Variants in SCARB1 observed in about 807,000 individuals in gnomAD.
SCARB1 encodes the protein CD36 and LIMPII analogous 1.
In SCARB1, 30 loss-of-function variants were observed where a neutral mutation model predicts 57.2. The observed-to-expected ratio is 0.52, with a 90% CI of 0.39 to 0.71. The LOEUF (loss-of-function observed/expected upper bound fraction) is 0.71, where lower values mean the gene tolerates loss of function less well. SCARB1 is among the 30% of genes least tolerant of loss of function. The pLI is 0.00. For missense variants in SCARB1, 543 were observed against 671.2 expected, an observed-to-expected ratio of 0.81 and a Z score of 2.11; for synonymous variants, 249 against 268.3, an observed-to-expected ratio of 0.93 and a Z score of 0.70.
At chr12:124,801,600 T>C (rs984535295) in intron 7 of SCARB1, among the ~76,000 whole-genome samples, 14 of 151,782 alleles carry the variant, frequency 9.2e-5, no homozygotes, top group African/African-American at 3.4e-4. Context: ...CTGGGCAACA[T>C]GGTGAGACCC....
rs775511265 is a variant in SCARB1 at position 124,822,964 on chromosome 12, T to TA, written c.127-5258dup. ...GGAACAATCTCCAGAATATTTTAAG[T>TA]AAAAAAAAATTTAAAAATGAATACT... is the stretch of plus-strand genomic sequence containing the variant. On this transcript the variant is annotated intron_variant, in intron 1 of 12. Transcript: ENST00000261693. The surrounding 1 kb of genome is among the most constrained non-coding windows in gnomAD (Gnocchi z 5.0). Among the ~76,000 whole-genome samples, 228 of 151,916 alleles carry TA rather than the reference T, an allele frequency of 1.5e-3. 2 individuals are homozygous for TA. Among genetic ancestry groups the TA allele is most frequent in the African/African-American group, 4.7e-3 (194 of 41,434 alleles).
At position 124,778,529 on chromosome 12, in the gene SCARB1, TG is replaced by T; in HGVS notation, c.*57del. Reference sequence around the variant, plus strand: ...TCCGGGAGAAGCGGGGTGTAGGGGCTGGGGGGCCGGTCAGGCCCAGCGGCCA... The same window carrying T: ...TCCGGGAGAAGCGGGGTGTAGGGGCTGGGGGCCGGTCAGGCCCAGCGGCCA... On this transcript the variant is annotated 3_prime_UTR_variant, in exon 13 of 13. Transcript: ENST00000261693. The T allele has an allele frequency of 7.0e-6, 9 of 1,283,520 alleles. No homozygotes were observed. Among genetic ancestry groups the T allele is most frequent in the South Asian group, 3.8e-5 (2 of 52,466 alleles). 79.5% of individuals were successfully genotyped at this position (1,283,520 alleles called of 1,614,324 possible). A position where few individuals can be genotyped will look rare whatever the true frequency, so the allele number is the denominator to read the frequency against.
chr12:124,837,531 A>AG lies in SCARB1; in HGVS notation c.127-19825_127-19824insC, dbSNP rs1566231662. Among the ~76,000 whole-genome samples, 123 of 90,300 alleles carry AG rather than the reference A, an allele frequency of 1.4e-3. 5 individuals are homozygous for AG. The highest frequency in any genetic ancestry group is 5.4e-3 in the African/African-American group (113 of 21,056). The allele number at this position is 90,300 out of a possible 152,430, so 59.2% of individuals were successfully genotyped here. A position where few individuals can be genotyped will look rare whatever the true frequency, so the allele number is the denominator to read the frequency against. ...AGAAAAAAGAAAAGAAAGGAAAGAA[A>AG]AAGAAAGAAAAGAAAAGAAAAGAAA... On this transcript the variant is annotated intron_variant, in intron 1 of 12. Coordinates refer to ENST00000261693, the MANE Select transcript of SCARB1 (RefSeq NM_005505.5).
At chr12:124,846,444 G>C (rs1952156538) in intron 1 of SCARB1, among the ~76,000 whole-genome samples, 1 of 152,052 alleles carries the variant, frequency 6.6e-6, no homozygotes, top group African/African-American at 2.4e-5. Context: ...ACAGTCACCG[G>C]CATCAGGGTT....
At chr12:124,783,237 G>A (rs1818576261) in intron 11 of SCARB1, 2 of 230,130 alleles carry the variant, frequency 8.7e-6, no homozygotes. Flanking sequence ...TTTAATTTTT[G>A]AGACAGGATC....
At position 124,824,051 on chromosome 12, in the gene SCARB1, G is replaced by A. The variant is rs190581455; in HGVS notation, c.127-6344C>T. ...TAGCTGGGCATGGTGGCAGCCAACTGTATTCCCAGCTACTCGGGAGGCTGA... is the reference window on the plus strand; with the variant it reads ...TAGCTGGGCATGGTGGCAGCCAACTATATTCCCAGCTACTCGGGAGGCTGA... On this transcript the variant is annotated intron_variant, in intron 1 of 12. Coordinates refer to ENST00000261693, the MANE Select transcript of SCARB1 (RefSeq NM_005505.5). Among the ~76,000 whole-genome samples the A allele has an allele frequency of 1.1e-4, 17 of 151,804 alleles. No individual in the cohort carries two copies. The East Asian group carries it at 2.9e-3, about 26-fold the overall frequency.
intron 1 of SCARB1, among the ~76,000 whole-genome samples, chr12:124,820,701 A>G (rs924395425): frequency 1.1e-4 from 17 of 152,114 alleles, no homozygotes; most frequent in Non-Finnish European, 1.6e-4. Context: ...TGCTCCCCCC[A>G]TAGAAAACAC....
intron 2 of SCARB1, among the ~76,000 whole-genome samples, chr12:124,816,951 C>G (rs1422810913): frequency 6.6e-6 from 1 of 151,854 alleles, no homozygotes; most frequent in Non-Finnish European, 1.5e-5. Flanking sequence ...TGACCCCTTC[C>G]CGTGCTGACC....
intron 1 of SCARB1, 79 bp downstream of exon 1, chr12:124,863,516 C>T: frequency 1.3e-6 from 2 of 1,495,222 alleles, no homozygotes; most frequent in East Asian, 5.2e-5. Context: ...CCACCCACCG[C>T]AACGCGCGGG....
chr12:124,838,117 A>C (rs1486448664), intron 1 of SCARB1, among the ~76,000 whole-genome samples: 1 of 152,236 alleles, frequency 6.6e-6, no homozygotes, highest in Non-Finnish European at 1.5e-5. Flanking sequence ...CAGCCTGCAG[A>C]GCTGAGCATA....
intron 12 of SCARB1, among the ~76,000 whole-genome samples, chr12:124,778,801 G>A (rs142196328): frequency 3.9e-5 from 6 of 152,178 alleles, no homozygotes; most frequent in East Asian, 1.9e-4. Context: ...TGGCCTCCCC[G>A]ACCTCCTTTA....
rs1431819906 is a variant in SCARB1 at position 124,850,038 on chromosome 12, TG to T, written c.126+13556del. On this transcript the variant is annotated intron_variant, in intron 1 of 12. Coordinates refer to ENST00000261693, the MANE Select transcript of SCARB1 (RefSeq NM_005505.5). ...GTAATCATGCCACTGCACTCCAGCT[TG>T]GGTGACAGAGTGAGACCCTGTCTCA... 2.0e-4 allele frequency among the ~76,000 whole-genome samples: 24 copies of T among 120,414 alleles called. 5 individuals are homozygous for T. Among genetic ancestry groups the T allele is most frequent in the African/African-American group, 7.3e-4 (23 of 31,638 alleles). 79.0% of individuals were successfully genotyped at this position (120,414 alleles called of 152,430 possible).
rs1175619885 is a variant in SCARB1, at chr12:124,777,167, C to T, written c.*1420G>A. On this transcript the variant is annotated 3_prime_UTR_variant, in exon 13 of 13. Coordinates refer to ENST00000261693, the MANE Select transcript of SCARB1 (RefSeq NM_005505.5). ...CAATCGGAGAAAATTCCATCCTTTG[C>T]AATGATCTACACTTAAGATGAGAAC... is the stretch of plus-strand genomic sequence containing the variant. 1.3e-5 allele frequency: 2 copies of T among 151,542 alleles called. No individual in the cohort carries two copies. The highest frequency in any genetic ancestry group is 2.0e-4 in the East Asian group (1 of 5,110). 9.4% of individuals were successfully genotyped at this position (151,542 alleles called of 1,614,324 possible).
intron 1 of SCARB1, among the ~76,000 whole-genome samples, chr12:124,847,154 G>A (rs1342797335): frequency 6.6e-6 from 1 of 152,214 alleles, no homozygotes; most frequent in African/African-American, 2.4e-5. Context: ...TCCTCAAAGT[G>A]AGCAAATTTC....
intron 1 of SCARB1, among the ~76,000 whole-genome samples, chr12:124,833,674 G>A (rs1039812673): frequency 6.6e-6 from 1 of 152,022 alleles, no homozygotes; most frequent in Non-Finnish European, 1.5e-5. Context: ...CCTGCACCAG[G>A]GAGTGTGACA....
intron 7 of SCARB1, among the ~76,000 whole-genome samples, chr12:124,802,957 A>C (rs1239506244): frequency 6.6e-6 from 1 of 152,204 alleles, no homozygotes; most frequent in African/African-American, 2.4e-5. Flanking sequence ...CGGTCGAAAA[A>C]CAGGAACTTG....
At chr12:124,802,833 T>C (rs1950180941) in intron 7 of SCARB1, among the ~76,000 whole-genome samples, 1 of 151,926 alleles carries the variant, frequency 6.6e-6, no homozygotes, top group Middle Eastern at 3.4e-3. Context: ...GTTGTCTGAG[T>C]CCAACAGATT....
At chr12:124,861,128 G>A (rs1000628889) in intron 1 of SCARB1, among the ~76,000 whole-genome samples, 2 of 151,806 alleles carry the variant, frequency 1.3e-5, no homozygotes, top group Admixed American at 6.6e-5. Flanking sequence ...ATATAAAGTC[G>A]TCCCTCAATG....
In SCARB1 at chr12:124,800,100, C is replaced by A; in HGVS notation, c.1128+24G>T. On this transcript the variant is annotated intron_variant, in intron 8 of 12. Coordinates refer to ENST00000261693, the MANE Select transcript of SCARB1 (RefSeq NM_005505.5). This position sits in a 1 kb window ranked among gnomAD's most constrained non-coding sequence, Gnocchi z 4.8. ...GCTCCAACCAGGAATCACCCACCCC[C>A]CACAGAGGATGGCAGGGGCTCACCG... 4 of 1,558,918 alleles carry A rather than the reference C, an allele frequency of 2.6e-6. No individual in the cohort carries two copies. Among genetic ancestry groups the A allele is most frequent in the South Asian group, 1.1e-5 (1 of 89,914 alleles).
Sources: allele counts gnomAD v4.1 joint callset (sites outside exome capture counted in the v4.1 genomes callset), GRCh38; gene constraint gnomAD v4.1.1; non-coding constraint Gnocchi (gnomAD v3.1); transcripts MANE v1.5; gene names NCBI Gene and HGNC (gene_info 2026-07-23, HGNC 2026-07-21).